CHIC2: variants seen among roughly 807,000 people sequenced by gnomAD.
The protein encoded by CHIC2 is cysteine-rich hydrophobic domain-containing protein 2.
In CHIC2, 14 loss-of-function variants were observed where a neutral mutation model predicts 25.9. The observed-to-expected ratio is 0.54, with a 90% CI of 0.36 to 0.85. The LOEUF (loss-of-function observed/expected upper bound fraction) is 0.85, where lower values mean the gene tolerates loss of function less well. Ranked by LOEUF, CHIC2 falls within the 40% of genes least tolerant of loss-of-function variation. CHIC2 has a pLI of 0.01. For missense variants in CHIC2, 146 were observed against 202.0 expected, an observed-to-expected ratio of 0.72 and a Z score of 1.68; for synonymous variants, 70 against 72.0, an observed-to-expected ratio of 0.97 and a Z score of 0.14.
Position 54,064,185 on chromosome 4 carries a change from G to A in CHIC2, c.116C>T (p.Thr39Ile), listed in dbSNP as rs761452038. The A allele has an allele frequency of 3.2e-5, 52 of 1,603,132 alleles. No homozygotes were observed. The highest frequency in any genetic ancestry group is 4.1e-5 in the Non-Finnish European group (48 of 1,175,052). ...CTCGCCCTCCTCCGGGCCTTACACGGTGACGTGACCGGAGCCGCGGACGAC... is the reference window on the plus strand; with the variant it reads ...CTCGCCCTCCTCCGGGCCTTACACGATGACGTGACCGGAGCCGCGGACGAC... The part of the protein sequence containing the change: ...PVVVRGSGHV[T>I]VFGLSNKFES... Residue 39 changes from threonine to isoleucine, a missense_variant, in exon 1 of 6, where the codon ACC (threonine) becomes ATC (isoleucine). Transcript: ENST00000263921. This position sits in a 1 kb window ranked among gnomAD's most constrained non-coding sequence, Gnocchi z 4.2.
chr4:54,089,073 G>C, the CHIC2 span, among the ~76,000 whole-genome samples: 2 of 152,064 alleles, frequency 1.3e-5, no homozygotes, highest in Non-Finnish European at 2.9e-5. Context: ...AAGCTGATAT[G>C]GTCCTATTTG....
At chr4:54,043,677 T>C (rs1267710025) in intron 3 of CHIC2, among the ~76,000 whole-genome samples, 11 of 152,188 alleles carry the variant, frequency 7.2e-5, no homozygotes, top group East Asian at 3.9e-4. Flanking sequence ...AAGGAACAAC[T>C]GGTACCAGCC....
At chr4:54,083,018 C>CTTTTTTT in the CHIC2 span, among the ~76,000 whole-genome samples, 312 of 67,884 alleles carry the variant, frequency 4.6e-3, 4 homozygotes, top group African/African-American at 7.5e-3. Context: ...TTCTTTCTTT[C>CTTTTTTT]TTTTTTTTTT....
the CHIC2 span, among the ~76,000 whole-genome samples, chr4:54,086,354 C>A: frequency 7.9e-5 from 12 of 152,088 alleles, no homozygotes; most frequent in Non-Finnish European, 1.5e-4. Context: ...AAATCCATTT[C>A]ATCTCCATCC....
chr4:54,071,730 T>C, the CHIC2 span, among the ~76,000 whole-genome samples: 1 of 152,178 alleles, frequency 6.6e-6, no homozygotes, highest in Non-Finnish European at 1.5e-5. Flanking sequence ...ATCCCAGCAC[T>C]TTGGGAGGCC....
chr4:54,047,609 T>C (rs1158946069), intron 3 of CHIC2, among the ~76,000 whole-genome samples: 1 of 125,362 alleles, frequency 8.0e-6, no homozygotes, highest in Non-Finnish European at 1.6e-5. Context: ...TGAGAACACA[T>C]GGACACAGGA....
chr4:54,051,926 C>T (rs368073998), intron 1 of CHIC2, among the ~76,000 whole-genome samples: 25 of 152,294 alleles, frequency 1.6e-4, no homozygotes, highest in African/African-American at 5.5e-4. Flanking sequence ...ATTCAAACTA[C>T]CACAATCCAG....
chr4:54,034,659 G>C (rs1437985481), intron 3 of CHIC2, among the ~76,000 whole-genome samples: 1 of 152,030 alleles, frequency 6.6e-6, no homozygotes, highest in Non-Finnish European at 1.5e-5. Context: ...TTTCTTTAAA[G>C]ATTCTATTGA....
Position 54,048,807 on chromosome 4 carries a change from T to C in CHIC2, c.330+148A>G. 5.0e-6 allele frequency: 3 copies of C among 599,514 alleles called. No homozygotes were observed. In the Admixed American group the frequency reaches 1.1e-4, roughly 22 times the overall value. 37.1% of individuals were successfully genotyped at this position (599,514 alleles called of 1,614,324 possible). On this transcript the variant is annotated intron_variant, in intron 3 of 5. Coordinates refer to ENST00000263921, the MANE Select transcript of CHIC2 (RefSeq NM_012110.4). Reference sequence around the variant, plus strand: ...ACAGCACTTGGATATATAGTAACTTTACTGACTCACTCCTCTCCTGGATCA... The same window carrying C: ...ACAGCACTTGGATATATAGTAACTTCACTGACTCACTCCTCTCCTGGATCA...
At chr4:54,085,169 T>C in the CHIC2 span, among the ~76,000 whole-genome samples, 1 of 152,212 alleles carries the variant, frequency 6.6e-6, no homozygotes, top group Non-Finnish European at 1.5e-5. Context: ...ATGAATGTCC[T>C]TAAGGAACAA....
intron 3 of CHIC2, among the ~76,000 whole-genome samples, chr4:54,043,511 A>T (rs1716660520): frequency 6.6e-6 from 1 of 152,162 alleles, no homozygotes; most frequent in Non-Finnish European, 1.5e-5. Flanking sequence ...ACATTCTTAA[A>T]GAAAAGAATT....
chr4:54,062,433 T>C (rs1227943749), intron 1 of CHIC2, among the ~76,000 whole-genome samples: 3 of 152,070 alleles, frequency 2.0e-5, no homozygotes, highest in Admixed American at 6.6e-5. Flanking sequence ...GCAAAGACAA[T>C]GGTCTTTTTT....
intron 3 of CHIC2, among the ~76,000 whole-genome samples, chr4:54,045,221 C>A (rs914497919): frequency 1.3e-5 from 2 of 152,130 alleles, no homozygotes; most frequent in African/African-American, 4.8e-5. Flanking sequence ...ACCAGAGGTA[C>A]AAGGAGGAAC....
intron 3 of CHIC2, among the ~76,000 whole-genome samples, chr4:54,014,429 T>C (rs764666699): frequency 6.6e-6 from 1 of 152,182 alleles, no homozygotes; most frequent in Non-Finnish European, 1.5e-5. Flanking sequence ...TTCAAAAATG[T>C]TTCCAATACT....
intron 3 of CHIC2, among the ~76,000 whole-genome samples, chr4:54,047,054 A>G (rs1716851252): frequency 6.6e-6 from 1 of 152,254 alleles, no homozygotes; most frequent in Non-Finnish European, 1.5e-5. Context: ...AAAAATGCTC[A>G]TCATCACTGG....
intron 3 of CHIC2, among the ~76,000 whole-genome samples, chr4:54,044,352 C>T (rs1716699475): frequency 6.6e-6 from 1 of 152,178 alleles, no homozygotes; most frequent in Admixed American, 6.6e-5. Flanking sequence ...ATATACATTC[C>T]TTTCGGCACC....
At chr4:54,070,418 G>T in the CHIC2 span, among the ~76,000 whole-genome samples, 1,452 of 119,148 alleles carry the variant, frequency 0.012, 24 homozygotes, top group African/African-American at 0.036. Flanking sequence ...ATGTATTTAT[G>T]TATTTATTTA....
In CHIC2 at chr4:54,064,113, G is replaced by C. The variant is rs1198334443; in HGVS notation, c.119+69C>G. On this transcript the variant is annotated intron_variant, in intron 1 of 5. Transcript: ENST00000263921. This position sits in a 1 kb window ranked among gnomAD's most constrained non-coding sequence, Gnocchi z 4.2. ...ACACCAGACGGACACAGGGGAAACG[G>C]GGCTCCCGTGGAGTAACGGGGCCCA... The C allele has an allele frequency of 2.8e-5, 38 of 1,365,224 alleles. No individual in the cohort carries two copies. Among genetic ancestry groups the C allele is most frequent in the Non-Finnish European group, 3.3e-5 (32 of 980,794 alleles). 84.6% of individuals were successfully genotyped at this position (1,365,224 alleles called of 1,614,324 possible).
chr4:54,043,302 T>C (rs575759219), intron 3 of CHIC2, among the ~76,000 whole-genome samples: 39 of 151,156 alleles, frequency 2.6e-4, no homozygotes, highest in Non-Finnish European at 4.4e-4. Context: ...GCACCTGCAG[T>C]CCCAGCTACT....
Sources: gnomAD v4.1 joint callset for allele counts (sites outside exome capture counted in the v4.1 genomes callset) on GRCh38, gnomAD v4.1.1 for gene constraint, Gnocchi (gnomAD v3.1) non-coding constraint, MANE v1.5 for transcripts, NCBI Gene and HGNC (gene_info 2026-07-23, HGNC 2026-07-21) for gene names.